PILRA: variants seen among roughly 807,000 people sequenced by gnomAD.
PILRA encodes the protein paired immunoglobin like type 2 receptor alpha.
In PILRA, 37 loss-of-function variants were observed where a neutral mutation model predicts 33.1. That is an observed-to-expected ratio of 1.12 (90% CI 0.86 to 1.47). PILRA has a LOEUF of 1.47. Among genes scored for constraint, PILRA ranks in the 40% most tolerant of loss-of-function variants. The pLI, the probability that PILRA is intolerant of heterozygous loss-of-function variation, is 0.00. For missense variants in PILRA, 312 were observed against 376.2 expected, an observed-to-expected ratio of 0.83 and a Z score of 1.41; for synonymous variants, 146 against 149.9, an observed-to-expected ratio of 0.97 and a Z score of 0.19.
At chr7:100,392,528 G>A (rs576398872) in intron 3 of PILRA, among the ~76,000 whole-genome samples, 1 of 152,274 alleles carries the variant, frequency 6.6e-6, no homozygotes, top group Non-Finnish European at 1.5e-5. Flanking sequence ...TGTGCCACAG[G>A]AGCATCAGCA....
intron 3 of PILRA, among the ~76,000 whole-genome samples, chr7:100,393,696 C>G (rs1791435904): frequency 1.3e-5 from 2 of 152,162 alleles, no homozygotes; most frequent in Admixed American, 1.3e-4. Flanking sequence ...CAGGTTCCTA[C>G]CTTTCTGATT....
At position 100,389,903 on chromosome 7, in the gene PILRA, C is replaced by A. The variant is rs751721289; in HGVS notation, c.470C>A (p.Thr157Asn). 1 of 1,613,950 alleles carries A rather than the reference C, an allele frequency of 6.2e-7. No homozygotes were observed. Among genetic ancestry groups the A allele is most frequent in the Non-Finnish European group, 8.5e-7 (1 of 1,179,940 alleles). ...LSITQAVTTT[T>N]QRPSSMTTTW... ...CTCTCCCCAGCTGTCACGACCACCA[C>A]CCAGAGGCCCAGCAGCATGACTACC... is the stretch of plus-strand genomic sequence containing the variant. Residue 157 changes from threonine to asparagine, a missense_variant, in exon 3 of 7, where the codon ACC becomes AAC. Coordinates refer to ENST00000198536, the MANE Select transcript of PILRA (RefSeq NM_013439.3).
At chr7:100,399,510 GC>G in intron 5 of PILRA, 70 bp from the exon 6 acceptor site, 1 of 1,562,608 alleles carries the variant, frequency 6.4e-7, no homozygotes. Context: ...CACTCCTAGA[GC>G]CCCCTGCCCA....
intron 2 of PILRA, among the ~76,000 whole-genome samples, 183 bp from the exon 3 acceptor site, chr7:100,389,705 A>G (rs563054006): frequency 4.6e-5 from 7 of 152,180 alleles, no homozygotes; most frequent in African/African-American, 1.7e-4. Flanking sequence ...ATATAAAATG[A>G]ACTGAGTCGT....
At chr7:100,371,480 TGA>T (rs1482194374), upstream of PILRA, among the ~76,000 whole-genome samples, 1 of 151,230 alleles carries the variant, frequency 6.6e-6, no homozygotes, top group African/African-American at 2.4e-5. Flanking sequence ...CAAGGAGAGG[TGA>T]GGGGCTGGGG....
chr7:100,381,730 G>T (rs557746025), intron 2 of PILRA, among the ~76,000 whole-genome samples: 143 of 152,338 alleles, frequency 9.4e-4, no homozygotes, highest in South Asian at 6.8e-3. Flanking sequence ...GGTGTGGAGG[G>T]AGAGGCGCGG....
At chr7:100,377,469 C>CT (rs1360430092) in intron 2 of PILRA, among the ~76,000 whole-genome samples, 1 of 151,780 alleles carries the variant, frequency 6.6e-6, no homozygotes, top group Non-Finnish European at 1.5e-5. Flanking sequence ...TCTCGATCTC[C>CT]TGACGTCGTG....
chr7:100,373,887 C>A (rs1790879798), intron 1 of PILRA, among the ~76,000 whole-genome samples, 157 bp from the exon 2 acceptor site: 1 of 152,152 alleles, frequency 6.6e-6, no homozygotes, highest in African/African-American at 2.4e-5. Flanking sequence ...CCTCCCTCCC[C>A]CATGCCTGAA....
intron 4 of PILRA, 150 bp downstream of exon 4, chr7:100,398,062 C>T: frequency 1.3e-6 from 1 of 744,552 alleles, no homozygotes; most frequent in South Asian, 1.7e-5. Context: ...CCTTGTTCTC[C>T]TTTGTCCTCT....
chr7:100,386,097 T>A (rs1430538424), intron 2 of PILRA, among the ~76,000 whole-genome samples: 1 of 151,832 alleles, frequency 6.6e-6, no homozygotes, highest in Non-Finnish European at 1.5e-5. Context: ...GCCCACCTAA[T>A]TTTTGTAGTT....
chr7:100,392,891 A>T (rs781414927), intron 3 of PILRA, among the ~76,000 whole-genome samples: 47 of 152,230 alleles, frequency 3.1e-4, no homozygotes, highest in Non-Finnish European at 6.0e-4. Context: ...TGAGAAAAAA[A>T]ATAACCCTAG....
chr7:100,382,728 T>G (rs1791142394), intron 2 of PILRA, among the ~76,000 whole-genome samples: 1 of 152,170 alleles, frequency 6.6e-6, no homozygotes, highest in African/African-American at 2.4e-5. Context: ...GCTTTTGCTT[T>G]TTGCACTAAG....
intron 2 of PILRA, among the ~76,000 whole-genome samples, chr7:100,382,797 G>A (rs146775733): frequency 1.1e-4 from 16 of 152,222 alleles, no homozygotes; most frequent in Admixed American, 3.3e-4. Flanking sequence ...AACACTCACC[G>A]TGAAGGTTTG....
intron 2 of PILRA, among the ~76,000 whole-genome samples, chr7:100,382,676 G>A (rs933319235): frequency 2.0e-5 from 3 of 152,204 alleles, no homozygotes; most frequent in Admixed American, 6.5e-5. Flanking sequence ...AGTATCAACT[G>A]GCTCTGGTTC....
At chr7:100,379,621 T>G (rs1258154002) in intron 2 of PILRA, among the ~76,000 whole-genome samples, 1 of 146,362 alleles carries the variant, frequency 6.8e-6, no homozygotes, top group African/African-American at 2.6e-5. Context: ...TGAACCGAGA[T>G]TGCACCACTG....
chr7:100,399,529 C>T lies in PILRA; in HGVS notation c.758-52C>T, dbSNP rs1008614055. The T allele has an allele frequency of 1.9e-6, 3 of 1,607,106 alleles. No individual in the cohort carries two copies. In the African/African-American group the frequency reaches 4.0e-5, roughly 22 times the overall value. On this transcript the variant is annotated intron_variant, in intron 5 of 6. Transcript: ENST00000198536. Reference sequence around the variant, plus strand: ...CCTAGAGCCCCCTGCCCATCTCTCTCCCCTGGCTGTCACGCCACCTGACCT... The same window carrying T: ...CCTAGAGCCCCCTGCCCATCTCTCTTCCCTGGCTGTCACGCCACCTGACCT...
intron 2 of PILRA, among the ~76,000 whole-genome samples, chr7:100,379,722 T>TTA (rs1563116649): frequency 6.7e-6 from 1 of 149,538 alleles, no homozygotes; most frequent in Non-Finnish European, 1.5e-5. Flanking sequence ...AGATGGTGGG[T>TTA]TATATGCATG....
chr7:100,381,294 C>T (rs888736318), intron 2 of PILRA, among the ~76,000 whole-genome samples: 4 of 151,314 alleles, frequency 2.6e-5, no homozygotes, highest in African/African-American at 4.9e-5. Context: ...AAACAAAAAA[C>T]AACTAGCTGG....
chr7:100,382,627 T>C (rs1791135523), intron 2 of PILRA, among the ~76,000 whole-genome samples: 1 of 152,180 alleles, frequency 6.6e-6, no homozygotes, highest in African/African-American at 2.4e-5. Context: ...ATGTGGGTGG[T>C]GCCAGGTAAG....
Sources: allele counts gnomAD v4.1 joint callset (sites outside exome capture counted in the v4.1 genomes callset), GRCh38; gene constraint gnomAD v4.1.1; transcripts MANE v1.5; gene names NCBI Gene and HGNC (gene_info 2026-07-23, HGNC 2026-07-21).